CPS1: variants seen among roughly 807,000 people sequenced by gnomAD.
CPS1 encodes carbamoyl-phosphate synthase [ammonia], mitochondrial.
A neutral mutation model predicts 174.6 loss-of-function variants in CPS1; 109 were observed. That is an observed-to-expected ratio of 0.62 (90% CI 0.53 to 0.73). The LOEUF is 0.73. Among genes scored for constraint, CPS1 ranks in the 30% least tolerant of loss-of-function variants. The pLI is 0.00. For synonymous variants in CPS1, 637 were observed against 632.0 expected (o/e 1.01, Z -0.12); for missense variants, 1,689 against 1,821.9 (o/e 0.93, Z 1.33).
chr2:210,566,009 G>C (rs977302731), intron 1 of CPS1, among the ~76,000 whole-genome samples: 8 of 152,138 alleles, frequency 5.3e-5, no homozygotes, highest in African/African-American at 1.9e-4. Context: ...TGGCCAACGG[G>C]ATAGGAAGCT....
chr2:210,528,773 G>C (rs1275748463), intron 1 of CPS1, among the ~76,000 whole-genome samples: 3 of 149,370 alleles, frequency 2.0e-5, no homozygotes, highest in African/African-American at 4.9e-5. Context: ...AGATCAAGAG[G>C]ATTTGAAATA....
In CPS1 at chr2:210,512,879, GATATATATATGGAGAT is replaced by G. The variant is rs1438195343; in HGVS notation, c.3+35138_3+35153del. ...ATATATATAGATATATATATATAGA[GATATATATATGGAGAT>G]ATATATATATGGAGATATATATATG... On this transcript the variant is annotated intron_variant, in intron 1 of 38. Transcript: ENST00000430249. Among the ~76,000 whole-genome samples, 127 of 70,322 alleles carry G rather than the reference GATATATATATGGAGAT, an allele frequency of 1.8e-3. 15 individuals are homozygous for G. Among genetic ancestry groups the G allele is most frequent in the Middle Eastern group, 8.5e-3 (1 of 118 alleles). The allele number at this position is 70,322 out of a possible 152,430, so 46.1% of individuals were successfully genotyped here.
At chr2:210,579,579 G>T in intron 4 of CPS1, 135 bp from the exon 5 acceptor site, 1 of 727,594 alleles carries the variant, frequency 1.4e-6, no homozygotes, top group East Asian at 2.6e-5. Context: ...CAGTCACCCT[G>T]GGTCAGAGAA....
At chr2:210,630,552 G>A (rs1699835264) in intron 21 of CPS1, among the ~76,000 whole-genome samples, 1 of 152,132 alleles carries the variant, frequency 6.6e-6, no homozygotes, top group African/African-American at 2.4e-5. Flanking sequence ...ACTGTCACGT[G>A]AACATTGGAT....
intron 1 of CPS1, among the ~76,000 whole-genome samples, chr2:210,512,432 A>C (rs1459175260): frequency 6.6e-6 from 1 of 151,904 alleles, no homozygotes; most frequent in Non-Finnish European, 1.5e-5. Context: ...TTTAGCTCCC[A>C]CTTAAAAGTA....
intron 13 of CPS1, 37 bp downstream of exon 13, chr2:210,595,619 T>G: frequency 7.7e-7 from 1 of 1,303,374 alleles, no homozygotes; most frequent in Non-Finnish European, 1.1e-6. Context: ...TTAATATGCT[T>G]CCTTTAATGA....
chr2:210,647,650 G>C (rs1450965807), intron 25 of CPS1, among the ~76,000 whole-genome samples: 2 of 152,154 alleles, frequency 1.3e-5, no homozygotes, highest in Non-Finnish European at 2.9e-5. Flanking sequence ...ATATTCACGT[G>C]TACTTGTATG....
intron 24 of CPS1, among the ~76,000 whole-genome samples, chr2:210,642,160 G>A (rs796628753): frequency 1.3e-4 from 20 of 152,276 alleles, no homozygotes; most frequent in African/African-American, 4.1e-4. Flanking sequence ...TTTCTTTTCA[G>A]TAAGTGAGGG....
intron 5 of CPS1, among the ~76,000 whole-genome samples, chr2:210,580,883 T>C (rs1028081647): frequency 1.3e-5 from 2 of 148,282 alleles, no homozygotes; most frequent in African/African-American, 5.0e-5. Context: ...AAAGTACATA[T>C]GGGAAAAGGA....
At chr2:210,600,112 CAAA>C (rs533203257) in intron 14 of CPS1, among the ~76,000 whole-genome samples, 5 of 124,812 alleles carry the variant, frequency 4.0e-5, no homozygotes, top group African/African-American at 5.9e-5. Context: ...ACTTGTATGT[CAAA>C]AAAAAAAAAA....
At chr2:210,504,919 CT>C (rs550870001) in intron 1 of CPS1, among the ~76,000 whole-genome samples, 1 of 151,340 alleles carries the variant, frequency 6.6e-6, no homozygotes, top group South Asian at 2.1e-4. Context: ...GGACGACCTA[CT>C]TTTTTTTTCT....
rs370565941 is a variant in CPS1 at position 210,642,449 on chromosome 2, T to A, written c.2960-35T>A. On this transcript the variant is annotated intron_variant, in intron 24 of 37. Transcript: ENST00000233072. ...TCTTTGTATTGTAACTTCGTGCTTCTCTTATCCCTTTTGCCAATCTCATTG... is the reference window on the plus strand; with the variant it reads ...TCTTTGTATTGTAACTTCGTGCTTCACTTATCCCTTTTGCCAATCTCATTG... The A allele has an allele frequency of 4.3e-6, 7 of 1,613,074 alleles. No individual in the cohort carries two copies. The African/African-American group carries it at 9.3e-5, about 22-fold the overall frequency.
intron 1 of CPS1, among the ~76,000 whole-genome samples, chr2:210,513,744 A>C (rs1247326186): frequency 1.3e-5 from 2 of 151,918 alleles, no homozygotes; most frequent in Admixed American, 6.6e-5. Context: ...TTGAGGACTT[A>C]GTCATAAATT....
intron 28 of CPS1, 94 bp from the exon 29 acceptor site, chr2:210,653,931 C>A (rs1412947070): frequency 3.1e-6 from 3 of 968,282 alleles, no homozygotes; most frequent in Admixed American, 1.8e-5. Flanking sequence ...CAAGTATTGC[C>A]CTGATACTTA....
intron 34 of CPS1, 75 bp downstream of exon 34, chr2:210,668,359 T>G: frequency 1.0e-6 from 1 of 988,288 alleles, no homozygotes; most frequent in East Asian, 2.4e-5. Flanking sequence ...GAATGTTAAT[T>G]GTGGTATAGA....
intron 1 of CPS1, among the ~76,000 whole-genome samples, chr2:210,537,296 A>T (rs375704041): frequency 6.6e-6 from 1 of 152,196 alleles, no homozygotes; most frequent in African/African-American, 2.4e-5. Context: ...AACTCTTTCT[A>T]TGTGAATAAT....
chr2:210,604,125 C>T (rs1277188434), intron 16 of CPS1, among the ~76,000 whole-genome samples: 1 of 151,800 alleles, frequency 6.6e-6, no homozygotes, highest in Non-Finnish European at 1.5e-5. Flanking sequence ...AATTTTCTAA[C>T]CACTTTGAGA....
intron 1 of CPS1, among the ~76,000 whole-genome samples, chr2:210,547,889 C>G (rs1696604788): frequency 6.6e-6 from 1 of 151,886 alleles, no homozygotes; most frequent in South Asian, 2.1e-4. Context: ...CCTTCATATT[C>G]CTATGTTACA....
At chr2:210,605,392 A>G in intron 17 of CPS1, 146 bp downstream of exon 17, 1 of 871,976 alleles carries the variant, frequency 1.1e-6, no homozygotes. Context: ...ATAGTATTTT[A>G]CAGTATTGAA....
Sources: allele counts gnomAD v4.1 joint callset (sites outside exome capture counted in the v4.1 genomes callset), GRCh38; gene constraint gnomAD v4.1.1; transcripts MANE v1.5; gene names NCBI Gene and HGNC (gene_info 2026-07-23, HGNC 2026-07-21).